The following C1QTNF3 variants were observed in gnomAD, a reference collection of about 807,000 sequenced individuals.
C1QTNF3 encodes the protein complement C1q tumor necrosis factor-related protein 3.
In C1QTNF3, 26 loss-of-function variants were observed where a neutral mutation model predicts 32.6. The ratio of observed to expected loss-of-function variants is 0.80; its 90% CI spans 0.58 to 1.11. The LOEUF (loss-of-function observed/expected upper bound fraction) is 1.11. Among genes scored for constraint, C1QTNF3 ranks in the 50% least tolerant of loss-of-function variants. C1QTNF3 has a pLI of 0.00. For synonymous variants in C1QTNF3, 155 were observed against 146.0 expected (o/e 1.06, Z -0.44); for missense variants, 362 against 398.2 (o/e 0.91, Z 0.77).
At chr5:34,082,673 C>T in the C1QTNF3 span, among the ~76,000 whole-genome samples, 2 of 151,628 alleles carry the variant, frequency 1.3e-5, no homozygotes, top group Admixed American at 6.6e-5. Context: ...TAGAAAACAC[C>T]GCATTTCCCA....
chr5:34,150,276 C>A, the C1QTNF3 span, among the ~76,000 whole-genome samples: 5 of 86,626 alleles, frequency 5.8e-5, no homozygotes, highest in African/African-American at 2.7e-4. Context: ...TAACACCCCA[C>A]TGTCAACATT....
At chr5:34,056,040 C>A in the C1QTNF3 span, among the ~76,000 whole-genome samples, 2 of 152,174 alleles carry the variant, frequency 1.3e-5, no homozygotes, top group Non-Finnish European at 2.9e-5. Context: ...ATTTCAGAAA[C>A]CTCCCTTCTC....
the C1QTNF3 span, among the ~76,000 whole-genome samples, chr5:34,109,579 T>C: frequency 1.3e-5 from 2 of 151,972 alleles, no homozygotes; most frequent in African/African-American, 4.8e-5. Flanking sequence ...AATCAGGCTA[T>C]AAAAGCTTTA....
At chr5:34,203,095 A>C in the C1QTNF3 span, among the ~76,000 whole-genome samples, 6 of 152,234 alleles carry the variant, frequency 3.9e-5, no homozygotes, top group African/African-American at 1.4e-4. Context: ...TCCCAAACAC[A>C]AAAATGAAAG....
chr5:34,083,651 G>T, the C1QTNF3 span, among the ~76,000 whole-genome samples: 1 of 151,702 alleles, frequency 6.6e-6, no homozygotes, highest in Non-Finnish European at 1.5e-5. Context: ...TGCTAATTTT[G>T]CAGTGCTCAA....
At chr5:34,021,040 C>T (rs1754315573) in intron 5 of C1QTNF3, among the ~76,000 whole-genome samples, 1 of 152,202 alleles carries the variant, frequency 6.6e-6, no homozygotes, top group Admixed American at 6.5e-5. Context: ...GAAAAGAGCT[C>T]TCTCTCTTCT....
chr5:34,054,720 A>T, the C1QTNF3 span, among the ~76,000 whole-genome samples: 1 of 151,512 alleles, frequency 6.6e-6, no homozygotes. Context: ...TAAAAGGGCA[A>T]TAAGTGGTGA....
chr5:34,049,126 TTCTC>T, the C1QTNF3 span, among the ~76,000 whole-genome samples: 1 of 152,332 alleles, frequency 6.6e-6, no homozygotes, highest in African/African-American at 2.4e-5. Context: ...TTTTGAGTCT[TTCTC>T]TCTAAGATGA....
the C1QTNF3 span, among the ~76,000 whole-genome samples, chr5:34,060,549 T>C: frequency 3.3e-5 from 5 of 152,154 alleles, no homozygotes; most frequent in African/African-American, 9.7e-5. Flanking sequence ...CTGGGGGCAA[T>C]TTATAAAAGA....
At chr5:34,166,745 A>T in the C1QTNF3 span, 1 of 152,016 alleles carries the variant, frequency 6.6e-6, no homozygotes, top group African/African-American at 2.4e-5. Context: ...TTTATACTCC[A>T]CTACTGATAC....
At chr5:34,197,844 G>T in the C1QTNF3 span, among the ~76,000 whole-genome samples, 1 of 152,088 alleles carries the variant, frequency 6.6e-6, no homozygotes, top group Non-Finnish European at 1.5e-5. Flanking sequence ...TGAGGATTTG[G>T]TGTCTGGTCA....
chr5:34,035,135 T>C (rs149359), intron 2 of C1QTNF3, among the ~76,000 whole-genome samples: 70,350 of 152,062 alleles, frequency 0.46, 17,931 homozygotes, highest in South Asian at 0.74. Flanking sequence ...CTGGTGGCAT[T>C]GGCACAGTAC....
At chr5:34,216,526 T>C in the C1QTNF3 span, among the ~76,000 whole-genome samples, 46 of 152,308 alleles carry the variant, frequency 3.0e-4, no homozygotes, top group Middle Eastern at 3.4e-3. Flanking sequence ...GTTTTGTGAA[T>C]TGTAACTCAG....
the C1QTNF3 span, among the ~76,000 whole-genome samples, chr5:34,138,619 G>T: frequency 6.6e-6 from 1 of 151,842 alleles, no homozygotes; most frequent in African/African-American, 2.4e-5. Context: ...TACTTTTCCT[G>T]TCATGAATTT....
the C1QTNF3 span, among the ~76,000 whole-genome samples, chr5:34,121,162 C>A: frequency 6.6e-6 from 1 of 152,088 alleles, no homozygotes; most frequent in African/African-American, 2.4e-5. Flanking sequence ...TTAAAGGAGG[C>A]AAATTCATGA....
the C1QTNF3 span, among the ~76,000 whole-genome samples, chr5:34,193,879 A>C: frequency 1.3e-5 from 2 of 152,384 alleles, no homozygotes; most frequent in East Asian, 3.9e-4. Context: ...TCTCTCAAGC[A>C]AAAAAACAGC....
the C1QTNF3 span, among the ~76,000 whole-genome samples, chr5:34,128,289 C>T: frequency 3.9e-5 from 6 of 152,158 alleles, no homozygotes; most frequent in Admixed American, 3.9e-4. Flanking sequence ...CCTGGATATC[C>T]AGGCAGAAGT....
At chr5:34,200,521 T>C in the C1QTNF3 span, 24 of 152,240 alleles carry the variant, frequency 1.6e-4, no homozygotes, top group African/African-American at 4.6e-4. Context: ...CTGTTTTGCA[T>C]TGGACATTTT....
intron 5 of C1QTNF3, among the ~76,000 whole-genome samples, chr5:34,023,310 C>T (rs910979418): frequency 3.3e-5 from 5 of 152,336 alleles, no homozygotes; most frequent in African/African-American, 1.2e-4. Context: ...GAAAAATCAA[C>T]TTCTAGCATG....
Sources: allele counts gnomAD v4.1 joint callset (sites outside exome capture counted in the v4.1 genomes callset), GRCh38; gene constraint gnomAD v4.1.1; transcripts MANE v1.5; gene names NCBI Gene and HGNC (gene_info 2026-07-23, HGNC 2026-07-21).